Variants in TTN observed in about 807,000 individuals in gnomAD.
TTN encodes the protein connectin.
A neutral mutation model predicts 3,223.0 loss-of-function variants in TTN; 1,525 were observed. The observed-to-expected ratio is 0.47, with a 90% confidence interval of 0.45 to 0.49. The LOEUF (loss-of-function observed/expected upper bound fraction) is 0.49, where lower values mean the gene tolerates loss of function less well. Ranked by LOEUF, TTN falls within the 20% of genes least tolerant of loss-of-function variation. The probability of loss-of-function intolerance (pLI) is 0.00; values close to 1 mark genes in which losing one functional copy is unlikely to be tolerated. For missense variants in TTN, 40,786 were observed against 43,424.0 expected (o/e 0.94, Z 5.40); for synonymous variants, 14,094 against 15,161.0 (o/e 0.93, Z 5.17).
chr2:178,697,225 T>C (rs1476919647), intron 112 of TTN, 57 bp from the exon 113 acceptor site: 1 of 1,361,136 alleles, frequency 7.3e-7, no homozygotes, highest in African/African-American at 1.5e-5. Flanking sequence ...TTATTATTAA[T>C]GTTTACTAAT....
chr2:178,698,697 CA>C, intron 112 of TTN, 145 bp downstream of exon 112: 1 of 742,822 alleles, frequency 1.3e-6, no homozygotes, highest in Non-Finnish European at 2.1e-6. Context: ...AGGACTGAGT[CA>C]AAGACGAGGG....
chr2:178,684,134 A>G, intron 132 of TTN, 52 bp from the exon 133 acceptor site: 1 of 1,591,544 alleles, frequency 6.3e-7, no homozygotes, highest in Non-Finnish European at 8.6e-7. Context: ...TCAAACCACA[A>G]AAAGGCAGCC....
At chr2:178,554,246 C>A in intron 332 of TTN, 30 bp from the exon 333 acceptor site, 1 of 1,535,262 alleles carries the variant, frequency 6.5e-7, no homozygotes, top group East Asian at 2.3e-5. Flanking sequence ...AAACAAGGTA[C>A]AAGAATCCAC....
chr2:178,677,876 G>A lies in TTN; in HGVS notation c.34036C>T (p.Pro11346Ser). The A allele has an allele frequency of 1.2e-6, 2 of 1,611,282 alleles. No individual in the cohort carries two copies. The highest frequency in any genetic ancestry group is 1.7e-4 in the Middle Eastern group (1 of 6,048). ...REPVPVPVAL[P>S]QEEEVLFEEE... is the part of the protein sequence containing the mutation. ...TCAAATAGAACTTCCTCTTCCTGAG[G>A]TAGAGCTACAGGAACTGGAACTGGT... Residue 11346 changes from proline to serine, a missense_variant, in exon 146 of 363, where the codon CCT becomes TCT. Coordinates refer to ENST00000589042, the MANE Select transcript of TTN (RefSeq NM_001267550.2).
intron 148 of TTN, 80 bp from the exon 149 acceptor site, chr2:178,675,834 A>G: frequency 6.5e-7 from 1 of 1,534,156 alleles, no homozygotes; most frequent in Non-Finnish European, 8.8e-7. Context: ...TATAAGTTGT[A>G]TTAACAAATA....
At chr2:178,746,927 G>A (rs1457482937) in intron 47 of TTN, 1 of 1,613,542 alleles carries the variant, frequency 6.2e-7, no homozygotes, top group Non-Finnish European at 8.5e-7. Context: ...TATTTCATAA[G>A]CTGAACCCCT....
chr2:178,538,494 C>A (rs181170338), intron 354 of TTN, 46 bp downstream of exon 354: 2 of 1,548,396 alleles, frequency 1.3e-6, no homozygotes, highest in Non-Finnish European at 1.7e-6. Context: ...TTAGCCTTAA[C>A]TTGTTTAGTT....
chr2:178,529,732 A>G (rs1169000493), intron 359 of TTN, among the ~76,000 whole-genome samples: 1 of 152,242 alleles, frequency 6.6e-6, no homozygotes, highest in Non-Finnish European at 1.5e-5. Flanking sequence ...AATCTTATAT[A>G]ATACCACATA....
chr2:178,774,444 G>C lies in TTN; in HGVS notation c.6820C>G (p.Gln2274Glu), dbSNP rs145649088. 25 of 1,613,080 alleles carry C rather than the reference G, an allele frequency of 1.5e-5. No homozygotes were observed. Among genetic ancestry groups the C allele is most frequent in the East Asian group, 4.5e-5 (2 of 44,850 alleles). Residue 2274 changes from glutamine to glutamate, a missense_variant, in exon 30 of 363, where the codon CAG becomes GAG. Gln to Glu is a conservative substitution (Grantham distance 29). Coordinates refer to ENST00000589042, the MANE Select transcript of TTN (RefSeq NM_001267550.2). ...GAVVEFVKEL[Q>E]DIEVPESYSG... is the part of the protein sequence containing the mutation. ...TATGATTCTGGAACTTCTATGTCCTGAAGTTCTTTCACAAACTCAACAACT... is the reference window on the plus strand; with the variant it reads ...TATGATTCTGGAACTTCTATGTCCTCAAGTTCTTTCACAAACTCAACAACT...
rs1454021604 is a variant in TTN, at chr2:178,718,157, T to G, written c.24849A>C (p.Leu8283Phe). Residue 8283 changes from leucine (L) to phenylalanine (F), a missense_variant, in exon 86 of 363, where the codon TTA (leucine) becomes TTC (phenylalanine). By Grantham distance (22) the Leu-to-Phe change is conservative. Transcript: ENST00000589042. ...CTGGAGTTCCATCCACTTTACACTG[T>G]AAAGTTGCAGGTTCTCCAATGACTG... ...VEAVIGEPAT[L>F]QCKVDGTPEI... 3.7e-6 allele frequency: 6 copies of G among 1,607,090 alleles called. No homozygotes were observed. The highest frequency in any genetic ancestry group is 5.1e-6 in the Non-Finnish European group (6 of 1,179,602).
rs759406486 is a variant in TTN at position 178,624,692 on chromosome 2, G to A, written c.44588C>T (p.Thr14863Met). ...VEFTKPLEDQ[T>M]VEEGATAVLE... ...CACTGCAGTGGCTCCCTCTTCGACCGTCTGGTCCTCAAGAGGCTTAGTGAA... is the reference window on the plus strand; with the variant it reads ...CACTGCAGTGGCTCCCTCTTCGACCATCTGGTCCTCAAGAGGCTTAGTGAA... Residue 14863 changes from threonine (T) to methionine (M), a missense_variant, in exon 242 of 363, where the codon ACG (threonine) becomes ATG (methionine). Transcript: ENST00000589042. 79 of 1,612,178 alleles carry A rather than the reference G, an allele frequency of 4.9e-5. 1 individual carries two copies. Among genetic ancestry groups the A allele is most frequent in the South Asian group, 2.6e-4 (24 of 91,038 alleles).
chr2:178,646,167 T>A (rs2061973865), intron 216 of TTN, 137 bp from the exon 217 acceptor site: 1 of 179,426 alleles, frequency 5.6e-6, no homozygotes, highest in Non-Finnish European at 1.0e-5. Context: ...AGTTTACTTT[T>A]TAAGGTACGT....
Position 178,534,415 on chromosome 2 carries a change from G to C in TTN, c.102200C>G (p.Ala34067Gly), listed in dbSNP as rs769172246. The change falls in exon 358 of 363, where the codon GCT becomes GGT. Residue 34067 changes from alanine to glycine, a missense_variant. Ala to Gly is a moderately conservative substitution (Grantham distance 60). Coordinates refer to ENST00000589042, the MANE Select transcript of TTN (RefSeq NM_001267550.2). Reference sequence around the variant, plus strand: ...CTGCTTCAACCATGGGTGCTGGAGAGCCTCCGATGCTGTCATGCGAGATTT... The same window carrying C: ...CTGCTTCAACCATGGGTGCTGGAGACCCTCCGATGCTGTCATGCGAGATTT... ...ERKSRMTASEALQHPWLKQKI... is the reference protein window; with the variant it reads ...ERKSRMTASEGLQHPWLKQKI... The C allele has an allele frequency of 6.2e-7, 1 of 1,611,572 alleles. No homozygotes were observed. Among genetic ancestry groups the C allele is most frequent in the South Asian group, 1.1e-5 (1 of 91,078 alleles).
rs767983460 is a variant in TTN, at chr2:178,800,404, G to A, written c.574C>T (p.Leu192=). The A allele has an allele frequency of 1.3e-5, 21 of 1,614,106 alleles. No individual in the cohort carries two copies. The East Asian group carries it at 2.9e-4, about 22-fold the overall frequency. The change falls in exon 4 of 363, where the codon CTG becomes TTG. Residue 192 remains leucine, a synonymous_variant. Coordinates refer to ENST00000589042, the MANE Select transcript of TTN (RefSeq NM_001267550.2). ...AACCTCCAGCACGTACCTTGAACCA[G>A]TAATTCAGCAGTCGAAGTAGCTCTT... ...VGRATSTAEL[L]VQGEEEVPAK...
At chr2:178,742,345 TAA>T (rs2082646002) in intron 47 of TTN, among the ~76,000 whole-genome samples, 1 of 152,162 alleles carries the variant, frequency 6.6e-6, no homozygotes, top group Non-Finnish European at 1.5e-5. Flanking sequence ...TCTTCTTTGT[TAA>T]AGACTGATTA....
chr2:178,555,396 A>G (rs1700998190), intron 330 of TTN: 2 of 437,864 alleles, frequency 4.6e-6, no homozygotes, highest in South Asian at 3.6e-5. Context: ...TTTAAAGTCC[A>G]TTAGTTGCTT....
Position 178,661,773 on chromosome 2 carries a change from A to T in TTN, c.37271T>A (p.Val12424Asp). 1 of 1,608,454 alleles carries T rather than the reference A, an allele frequency of 6.2e-7. No homozygotes were observed. The highest frequency in any genetic ancestry group is 8.5e-7 in the Non-Finnish European group (1 of 1,178,618). ...VPSAPPKKPE[V>D]PPVKVPEAPK... ...GTGACAAATACCTTTAACAGGTGGG[A>T]CTTCAGGCTTTTTAGGAGGAGCCGA... The change falls in exon 180 of 363, where the codon GTC (valine) becomes GAC (aspartate). Residue 12424 changes from valine (V) to aspartate (D), a missense_variant. Coordinates refer to ENST00000589042, the MANE Select transcript of TTN (RefSeq NM_001267550.2).
chr2:178,799,443 G>C (rs778683295), intron 6 of TTN, 44 bp downstream of exon 6: 2 of 1,613,118 alleles, frequency 1.2e-6, no homozygotes, highest in Non-Finnish European at 1.7e-6. Context: ...TCAAAACCTA[G>C]TTCCAAAATG....
chr2:178,806,346 T>C (rs1260150873), intron 1 of TTN, among the ~76,000 whole-genome samples: 2 of 152,212 alleles, frequency 1.3e-5, no homozygotes, highest in Admixed American at 6.5e-5. Flanking sequence ...TCTATGTATT[T>C]ACAGGCATTG....
Sources: gnomAD v4.1 joint callset for allele counts (sites outside exome capture counted in the v4.1 genomes callset) on GRCh38, gnomAD v4.1.1 for gene constraint, MANE v1.5 for transcripts, NCBI Gene and HGNC (gene_info 2026-07-23, HGNC 2026-07-21) for gene names.